Variants in ADGRL3 observed in about 807,000 individuals in gnomAD.
ADGRL3 encodes the protein adhesion G protein-coupled receptor L3.
Under a neutral mutation model 153.5 loss-of-function variants are expected in ADGRL3, and 62 were observed. That is an observed-to-expected ratio of 0.40 (90% confidence interval 0.33 to 0.50). ADGRL3 has a LOEUF of 0.50. Ranked by LOEUF, ADGRL3 falls within the 20% of genes least tolerant of loss-of-function variation. The pLI is 0.47. For missense variants in ADGRL3, 1,641 were observed against 1,859.4 expected (o/e 0.88, Z 2.16); for synonymous variants, 710 against 672.5 (o/e 1.06, Z -0.86).
chr4:61,304,817 T>TA (rs1267268739), intron 1 of ADGRL3, among the ~76,000 whole-genome samples: 2 of 152,190 alleles, frequency 1.3e-5, no homozygotes, highest in Non-Finnish European at 2.9e-5. Flanking sequence ...GAATGCTTGC[T>TA]AAAATCCCAG....
At chr4:61,715,655 G>A (rs1431711159) in intron 6 of ADGRL3, among the ~76,000 whole-genome samples, 1 of 152,028 alleles carries the variant, frequency 6.6e-6, no homozygotes. Flanking sequence ...TTTTGCACTT[G>A]TGGTAGTTAA....
chr4:61,936,342 C>T (rs941620464), intron 15 of ADGRL3, among the ~76,000 whole-genome samples: 2 of 152,056 alleles, frequency 1.3e-5, no homozygotes, highest in Admixed American at 6.6e-5. Context: ...GACATCTTTC[C>T]TCAAAAAGAG....
At chr4:62,041,221 C>T (rs1016916790) in intron 24 of ADGRL3, among the ~76,000 whole-genome samples, 2 of 152,064 alleles carry the variant, frequency 1.3e-5, no homozygotes, top group Admixed American at 1.3e-4. Flanking sequence ...TAAAAATCCT[C>T]TTCACCTCTT....
intron 1 of ADGRL3, among the ~76,000 whole-genome samples, chr4:61,299,396 G>GT (rs1221758118): frequency 1.4e-4 from 21 of 152,116 alleles, no homozygotes; most frequent in Middle Eastern, 6.8e-3. Flanking sequence ...GAAAGCCTGC[G>GT]TTTTTTGTCA....
chr4:61,501,085 G>A (rs1465479356), intron 3 of ADGRL3, among the ~76,000 whole-genome samples: 1 of 152,162 alleles, frequency 6.6e-6, no homozygotes, highest in Non-Finnish European at 1.5e-5. Flanking sequence ...TGGTTCTGAA[G>A]CCTGACAGAC....
intron 5 of ADGRL3, among the ~76,000 whole-genome samples, chr4:61,620,983 C>T (rs2092468038): frequency 6.6e-6 from 1 of 151,994 alleles, no homozygotes; most frequent in Non-Finnish European, 1.5e-5. Context: ...GTATTATGAA[C>T]AGATTTTATG....
chr4:62,004,667 C>T (rs968784679), intron 21 of ADGRL3, among the ~76,000 whole-genome samples: 2 of 151,932 alleles, frequency 1.3e-5, no homozygotes, highest in South Asian at 2.1e-4. Flanking sequence ...AACTGTTACA[C>T]GTTTTGTAAA....
intron 1 of ADGRL3, among the ~76,000 whole-genome samples, chr4:61,326,676 T>C (rs1311133427): frequency 1.3e-5 from 2 of 151,006 alleles, no homozygotes; most frequent in Non-Finnish European, 3.0e-5. Flanking sequence ...GAATGGGTAA[T>C]TATCCTGAAA....
At chr4:61,620,490 C>T (rs931763145) in intron 5 of ADGRL3, among the ~76,000 whole-genome samples, 2 of 151,988 alleles carry the variant, frequency 1.3e-5, no homozygotes, top group South Asian at 4.1e-4. Context: ...AGTCAGACTC[C>T]GAAAGAAGCC....
At chr4:61,925,191 G>A (rs2098789241) in intron 13 of ADGRL3, among the ~76,000 whole-genome samples, 1 of 151,884 alleles carries the variant, frequency 6.6e-6, no homozygotes, top group Non-Finnish European at 1.5e-5. Context: ...AAGAATTTTT[G>A]GATACTTTCA....
intron 5 of ADGRL3, among the ~76,000 whole-genome samples, chr4:61,641,607 G>A (rs899004419): frequency 6.6e-6 from 1 of 151,864 alleles, no homozygotes; most frequent in Non-Finnish European, 1.5e-5. Flanking sequence ...CCCTACAAAG[G>A]ACATGAACTC....
At chr4:61,431,111 A>G (rs1216756475) in intron 2 of ADGRL3, among the ~76,000 whole-genome samples, 2 of 152,188 alleles carry the variant, frequency 1.3e-5, no homozygotes, top group Non-Finnish European at 2.9e-5. Flanking sequence ...TATTATAACC[A>G]TGATCATCAT....
chr4:61,857,008 CTTT>C (rs1561368459), intron 9 of ADGRL3, among the ~76,000 whole-genome samples: 14 of 140,306 alleles, frequency 1.0e-4, no homozygotes, highest in African/African-American at 3.4e-4. Context: ...TTCTTTCTTT[CTTT>C]CTTTCCTTCC....
At chr4:61,820,847 A>G (rs1023398716) in intron 9 of ADGRL3, among the ~76,000 whole-genome samples, 1 of 152,088 alleles carries the variant, frequency 6.6e-6, no homozygotes, top group Non-Finnish European at 1.5e-5. Flanking sequence ...CTTTCTCCCA[A>G]CCGTTATTTT....
rs148674016 is a variant in ADGRL3 at position 61,530,221 on chromosome 4, A to G, written c.259+12703A>G. ...TTGTCTCAAAAGTGTTAGTGTAGAT[A>G]TAGAAGGGTAGTGAAGAAAATGCAG... On this transcript the variant is annotated intron_variant, in intron 4 of 26. Transcript: ENST00000683033. Among the ~76,000 whole-genome samples the G allele has an allele frequency of 3.5e-3, 530 of 151,318 alleles. 5 individuals carry two copies. The highest frequency in any genetic ancestry group is 5.7e-3 in the Non-Finnish European group (387 of 67,680).
intron 1 of ADGRL3, among the ~76,000 whole-genome samples, chr4:61,231,588 T>C (rs1211500657): frequency 6.6e-6 from 1 of 152,136 alleles, no homozygotes; most frequent in East Asian, 1.9e-4. Context: ...AGATTAGTCA[T>C]TGCCTCCCCC....
At chr4:61,285,281 T>A (rs2093889844) in intron 1 of ADGRL3, among the ~76,000 whole-genome samples, 1 of 151,892 alleles carries the variant, frequency 6.6e-6, no homozygotes, top group Admixed American at 6.6e-5. Flanking sequence ...AATTATCAAA[T>A]ATTTATTGAC....
intron 19 of ADGRL3, among the ~76,000 whole-genome samples, chr4:61,995,808 C>A (rs990286642): frequency 6.6e-6 from 1 of 152,084 alleles, no homozygotes; most frequent in Non-Finnish European, 1.5e-5. Flanking sequence ...AGGTTGGCTG[C>A]CCAACCTAAT....
chr4:61,210,779 G>A (rs1037819761), intron 1 of ADGRL3, among the ~76,000 whole-genome samples: 1 of 152,102 alleles, frequency 6.6e-6, no homozygotes. Context: ...ATGACTTCAA[G>A]GCGTGGACAA....
Sources: gnomAD v4.1 joint callset for allele counts (sites outside exome capture counted in the v4.1 genomes callset) on GRCh38, gnomAD v4.1.1 for gene constraint, MANE v1.5 for transcripts, NCBI Gene and HGNC (gene_info 2026-07-23, HGNC 2026-07-21) for gene names.